SORCS2: variants seen among roughly 807,000 people sequenced by gnomAD.
The protein encoded by SORCS2 is VPS10 domain-containing receptor SorCS2.
A neutral mutation model predicts 141.6 loss-of-function variants in SORCS2; 100 were observed. The observed-to-expected ratio is 0.71, with a 90% CI of 0.60 to 0.83. The LOEUF is 0.83. Among genes scored for constraint, SORCS2 ranks in the 40% least tolerant of loss-of-function variants. The pLI is 0.00. For missense variants in SORCS2, 1,646 were observed against 1,560.2 expected (o/e 1.05, Z -0.93); for synonymous variants, 789 against 676.9 (o/e 1.17, Z -2.57).
intron 1 of SORCS2, among the ~76,000 whole-genome samples, chr4:7,197,417 G>C (rs1475689472): frequency 6.6e-6 from 1 of 152,182 alleles, no homozygotes; most frequent in Non-Finnish European, 1.5e-5. Context: ...GTGGATCTTA[G>C]AGTAGTCTAG....
chr4:7,323,090 C>T (rs76906851), intron 1 of SORCS2, among the ~76,000 whole-genome samples: 17 of 152,306 alleles, frequency 1.1e-4, no homozygotes, highest in Non-Finnish European at 2.4e-4. Flanking sequence ...TATCACTCAG[C>T]AATGGGGTCA....
At chr4:7,688,319 T>A (rs975198698) in intron 10 of SORCS2, among the ~76,000 whole-genome samples, 1 of 152,200 alleles carries the variant, frequency 6.6e-6, no homozygotes, top group Non-Finnish European at 1.5e-5. Context: ...GTCCCAAGGC[T>A]GCCCAGAAAA....
intron 3 of SORCS2, among the ~76,000 whole-genome samples, chr4:7,628,473 T>C (rs1043595867): frequency 1.3e-4 from 20 of 150,472 alleles, no homozygotes; most frequent in African/African-American, 4.4e-4. Context: ...GAGCTGAGAT[T>C]GTGCCACTGC....
intron 1 of SORCS2, among the ~76,000 whole-genome samples, chr4:7,309,665 G>T (rs1213639124): frequency 6.6e-6 from 1 of 152,176 alleles, no homozygotes; most frequent in African/African-American, 2.4e-5. Flanking sequence ...AATGGAATTC[G>T]GTTTGAGGAG....
intron 2 of SORCS2, among the ~76,000 whole-genome samples, chr4:7,500,940 G>A (rs1221220838): frequency 1.3e-5 from 2 of 152,228 alleles, no homozygotes; most frequent in African/African-American, 4.8e-5. Flanking sequence ...TGATTCTGCC[G>A]GGAGGTTTGG....
chr4:7,412,547 G>A (rs1463749015), intron 2 of SORCS2, among the ~76,000 whole-genome samples: 2 of 152,140 alleles, frequency 1.3e-5, no homozygotes, highest in Admixed American at 1.3e-4. Context: ...CAGATGCTCA[G>A]TGGAGATGGG....
At chr4:7,653,721 C>T (rs1021817494) in intron 4 of SORCS2, among the ~76,000 whole-genome samples, 2 of 152,216 alleles carry the variant, frequency 1.3e-5, no homozygotes, top group African/African-American at 4.8e-5. Context: ...AGATGCCACA[C>T]CCCTGCTCGA....
chr4:7,732,787 G>A (rs2148896466), intron 23 of SORCS2, among the ~76,000 whole-genome samples: 1 of 152,268 alleles, frequency 6.6e-6, no homozygotes, highest in Admixed American at 6.5e-5. Context: ...CCAGAGCCAT[G>A]TCTCGGTCGC....
intron 4 of SORCS2, among the ~76,000 whole-genome samples, chr4:7,643,349 C>G (rs936488825): frequency 6.6e-6 from 1 of 152,252 alleles, no homozygotes; most frequent in Admixed American, 6.5e-5. Flanking sequence ...CAGCCTGTTT[C>G]CTCTGTGCCT....
chr4:7,360,571 C>CTTTTTTTTTTTTT lies in SORCS2; in HGVS notation c.481-35704_481-35692dup, dbSNP rs753548897. Among the ~76,000 whole-genome samples the CTTTTTTTTTTTTT allele has an allele frequency of 1.0e-2, 491 of 49,268 alleles. 133 individuals carry two copies. The highest frequency in any genetic ancestry group is 0.03 in the African/African-American group (305 of 10,232). 32.3% of individuals were successfully genotyped at this position (49,268 alleles called of 152,430 possible). On this transcript the variant is annotated intron_variant, in intron 1 of 26. Coordinates refer to ENST00000507866, the MANE Select transcript of SORCS2 (RefSeq NM_020777.3). ...TCCCTAAATACCCTCCCAGTCCCTT[C>CTTTTTTTTTTTTT]TTTTTTTTTTTTTTTTTTTTTTTTT...
chr4:7,575,205 G>A (rs1017778832), intron 3 of SORCS2, among the ~76,000 whole-genome samples: 1 of 152,120 alleles, frequency 6.6e-6, no homozygotes, highest in African/African-American at 2.4e-5. Flanking sequence ...CACTCTCTGG[G>A]CTCAGTTCCA....
chr4:7,416,883 CAT>C (rs1053670026), intron 2 of SORCS2, among the ~76,000 whole-genome samples: 7 of 152,064 alleles, frequency 4.6e-5, no homozygotes, highest in South Asian at 2.1e-4. Flanking sequence ...CAGACACACA[CAT>C]ATGCATGCAC....
intron 25 of SORCS2, among the ~76,000 whole-genome samples, chr4:7,736,811 C>G (rs527521135): frequency 6.6e-6 from 1 of 152,322 alleles, no homozygotes; most frequent in East Asian, 1.9e-4. Flanking sequence ...ATGACAGATA[C>G]ACAGTGATCA....
chr4:7,723,749 C>T lies in SORCS2; in HGVS notation c.2477C>T (p.Ala826Val). ...YQVDLGDGFK[A>V]MYVNLTLTGE... Reference sequence around the variant, plus strand: ...GTAGACCTTGGGGACGGCTTCAAGGCCATGTACGTGAACCTTACACTGACC... The same window carrying T: ...GTAGACCTTGGGGACGGCTTCAAGGTCATGTACGTGAACCTTACACTGACC... The change falls in exon 19 of 27, where the codon GCC becomes GTC. Residue 826 changes from alanine to valine, a missense_variant. Transcript: ENST00000507866. 2.5e-6 allele frequency: 4 copies of T among 1,614,022 alleles called. No individual in the cohort carries two copies. The highest frequency in any genetic ancestry group is 3.4e-6 in the Non-Finnish European group (4 of 1,179,898).
At chr4:7,711,315 A>T (rs530211946) in intron 14 of SORCS2, among the ~76,000 whole-genome samples, 2 of 152,296 alleles carry the variant, frequency 1.3e-5, no homozygotes, top group Middle Eastern at 3.4e-3. Flanking sequence ...CCCAGCTGTC[A>T]TGTCTCAGAA....
chr4:7,205,771 G>A lies in SORCS2; in HGVS notation c.480+12645G>A, dbSNP rs375747410. Reference sequence around the variant, plus strand: ...GAAATAATGCCCTGAGGCCGGACGCGGTGGCTCACGCCCGGAATCCCAGCA... The same window carrying A: ...GAAATAATGCCCTGAGGCCGGACGCAGTGGCTCACGCCCGGAATCCCAGCA... On this transcript the variant is annotated intron_variant, in intron 1 of 26. Coordinates refer to ENST00000507866, the MANE Select transcript of SORCS2 (RefSeq NM_020777.3). Among the ~76,000 whole-genome samples the A allele has an allele frequency of 7.7e-4, 117 of 152,352 alleles. 3 individuals carry two copies. The South Asian group carries it at 0.02, about 26-fold the overall frequency.
intron 1 of SORCS2, among the ~76,000 whole-genome samples, chr4:7,302,675 C>T (rs1717509346): frequency 6.6e-6 from 1 of 151,944 alleles, no homozygotes; most frequent in Non-Finnish European, 1.5e-5. Context: ...TCTCATCTGT[C>T]TTCTCAGTAA....
At chr4:7,227,458 C>T (rs544152296) in intron 1 of SORCS2, among the ~76,000 whole-genome samples, 1 of 152,340 alleles carries the variant, frequency 6.6e-6, no homozygotes, top group African/African-American at 2.4e-5. Context: ...CTCATCACGT[C>T]CTCCACAGCC....
At chr4:7,652,018 A>G (rs1251110149) in intron 4 of SORCS2, among the ~76,000 whole-genome samples, 1 of 152,248 alleles carries the variant, frequency 6.6e-6, no homozygotes, top group African/African-American at 2.4e-5. Flanking sequence ...CCAAGATGCC[A>G]CATTTGCGGT....
Sources: gnomAD v4.1 joint callset for allele counts (sites outside exome capture counted in the v4.1 genomes callset) on GRCh38, gnomAD v4.1.1 for gene constraint, MANE v1.5 for transcripts, NCBI Gene and HGNC (gene_info 2026-07-23, HGNC 2026-07-21) for gene names.